Variants in DHRSX observed in about 807,000 individuals in gnomAD.
The protein encoded by DHRSX is dehydrogenase/reductase X-linked.
In DHRSX, 31 loss-of-function variants were observed where a neutral mutation model predicts 34.0. That is an observed-to-expected ratio of 0.91 (90% CI 0.69 to 1.23). DHRSX has a LOEUF of 1.23. DHRSX is among the 50% of genes most tolerant of loss of function. The pLI is 0.00. For missense variants in DHRSX, 414 were observed against 428.1 expected (o/e 0.97, Z 0.29); for synonymous variants, 201 against 183.8 (o/e 1.09, Z -0.76).
intron 3 of DHRSX, among the ~76,000 whole-genome samples, chrX:2,386,379 C>T (rs1266764211): frequency 6.6e-6 from 1 of 152,002 alleles, no homozygotes; most frequent in Non-Finnish European, 1.5e-5. Flanking sequence ...CCACCACACC[C>T]AGCTAATTTT....
intron 1 of DHRSX, chrX:2,500,283 C>CA (rs2045383644): frequency 5.6e-6 from 1 of 178,552 alleles, no homozygotes; most frequent in African/African-American, 2.3e-5. Flanking sequence ...TGGAGACGTC[C>CA]TCCGGAGAAG....
At chrX:2,221,325 A>C (rs2015515316) in intron 6 of DHRSX, 96 bp from the exon 7 acceptor site, 1 of 1,258,936 alleles carries the variant, frequency 7.9e-7, no homozygotes, top group Non-Finnish European at 1.1e-6. Flanking sequence ...GACAGGTGGA[A>C]TATACTCATC....
At chrX:2,344,634 T>C (rs1307773812) in intron 3 of DHRSX, among the ~76,000 whole-genome samples, 4 of 152,034 alleles carry the variant, frequency 2.6e-5, no homozygotes, top group Middle Eastern at 3.4e-3. Context: ...AAACACCACA[T>C]GTTCTCACTC....
At chrX:2,440,198 T>C (rs2044045007) in intron 1 of DHRSX, among the ~76,000 whole-genome samples, 1 of 152,130 alleles carries the variant, frequency 6.6e-6, no homozygotes, top group Non-Finnish European at 1.5e-5. Flanking sequence ...TTATTTGTTC[T>C]TTTTTCTTTT....
intron 3 of DHRSX, among the ~76,000 whole-genome samples, chrX:2,386,104 A>G (rs923559834): frequency 1.6e-4 from 24 of 152,244 alleles, no homozygotes; most frequent in African/African-American, 5.8e-4. Flanking sequence ...CAGTTTCCAG[A>G]TTCTTGATCT....
intron 3 of DHRSX, chrX:2,334,419 C>G (rs1330082742): frequency 6.6e-6 from 1 of 151,888 alleles, no homozygotes; most frequent in Non-Finnish European, 1.5e-5. Context: ...CGTGCCCTGG[C>G]TGGGATTACA....
intron 5 of DHRSX, among the ~76,000 whole-genome samples, chrX:2,255,070 T>C (rs1415874327): frequency 6.6e-6 from 1 of 151,448 alleles, no homozygotes; most frequent in African/African-American, 2.4e-5. Context: ...GTTCAAGTGA[T>C]TCTCCTGCCT....
intron 3 of DHRSX, among the ~76,000 whole-genome samples, chrX:2,371,459 C>G (rs192643466): frequency 1.6e-4 from 25 of 151,556 alleles, no homozygotes; most frequent in Non-Finnish European, 3.4e-4. Context: ...ACTATAGTCC[C>G]TCCTCGTTAC....
intron 3 of DHRSX, among the ~76,000 whole-genome samples, chrX:2,317,422 T>C (rs922838405): frequency 5.9e-5 from 9 of 151,458 alleles, no homozygotes; most frequent in Admixed American, 1.3e-4. Flanking sequence ...CTGCTATTTT[T>C]TTTATTTTTC....
chrX:2,225,315 C>T (rs2069908817), intron 6 of DHRSX, among the ~76,000 whole-genome samples: 1 of 146,388 alleles, frequency 6.8e-6, no homozygotes, highest in Non-Finnish European at 1.5e-5. Context: ...CACATGCACA[C>T]ATACACATGC....
At chrX:2,250,544 C>T (rs1489569088) in intron 5 of DHRSX, among the ~76,000 whole-genome samples, 1 of 152,062 alleles carries the variant, frequency 6.6e-6, no homozygotes, top group Non-Finnish European at 1.5e-5. Context: ...CCCTTTTAGA[C>T]CATGTCATGG....
intron 3 of DHRSX, among the ~76,000 whole-genome samples, chrX:2,370,589 T>TAAAAAAAAAAAAAAAA (rs1049095204): frequency 1.4e-5 from 1 of 70,428 alleles, no homozygotes; most frequent in South Asian, 4.1e-4. Flanking sequence ...ATGGTTTTAC[T>TAAAAAAAAAAAAAAAA]GAAAAAAAAA....
intron 5 of DHRSX, among the ~76,000 whole-genome samples, chrX:2,259,084 C>T (rs906553534): frequency 1.3e-5 from 2 of 151,930 alleles, no homozygotes; most frequent in Admixed American, 1.3e-4. Flanking sequence ...ATCATCCTGG[C>T]CAACATGGTG....
At chrX:2,298,628 A>ACACACG (rs2041971938) in intron 3 of DHRSX, among the ~76,000 whole-genome samples, 2 of 127,566 alleles carry the variant, frequency 1.6e-5, no homozygotes, top group African/African-American at 5.4e-5. Context: ...ACACACACAC[A>ACACACG]CACACACACG....
At chrX:2,360,321 AC>A (rs1414251775) in intron 3 of DHRSX, among the ~76,000 whole-genome samples, 1 of 152,212 alleles carries the variant, frequency 6.6e-6, no homozygotes, top group Non-Finnish European at 1.5e-5. Flanking sequence ...GTGGTGGCTC[AC>A]GCCTGTAATC....
intron 5 of DHRSX, 45 bp from the exon 6 acceptor site, chrX:2,243,275 C>T (rs762287057): frequency 2.6e-6 from 4 of 1,550,408 alleles, no homozygotes; most frequent in South Asian, 2.3e-5. Flanking sequence ...ACGGCGTTCA[C>T]GCCTAAGTGC....
chrX:2,392,894 ATAT>A lies in DHRSX; in HGVS notation c.286+15848_286+15850del, dbSNP rs1318637098. ...TATATATACACAAAATGTATTGTGC[ATAT>A]TATATTATGTTTTATATATAAATAT... is the stretch of plus-strand genomic sequence containing the variant. On this transcript the variant is annotated intron_variant, in intron 3 of 6. Coordinates refer to ENST00000334651, the MANE Select transcript of DHRSX (RefSeq NM_145177.3). Among the ~76,000 whole-genome samples, 13 of 127,198 alleles carry A rather than the reference ATAT, an allele frequency of 1.0e-4. No individual in the cohort carries two copies. In the East Asian group the frequency reaches 1.3e-3, roughly 12 times the overall value. 83.4% of individuals were successfully genotyped at this position (127,198 alleles called of 152,430 possible).
At chrX:2,259,307 GATATAGATATATAGATAGATATAGATAT>G (rs2041323594) in intron 5 of DHRSX, among the ~76,000 whole-genome samples, 1 of 145,910 alleles carries the variant, frequency 6.9e-6, no homozygotes, top group East Asian at 2.0e-4. Context: ...TATAGATATA[GATATAGATATATAGATAGATATAGATAT>G]ATATAGATAT....
chrX:2,305,864 T>G (rs779971023), intron 3 of DHRSX, among the ~76,000 whole-genome samples: 10 of 151,898 alleles, frequency 6.6e-5, no homozygotes, highest in African/African-American at 2.4e-4. Context: ...AGGGGAGAGA[T>G]AGCTTTAAAA....
Sources: gnomAD v4.1 joint callset for allele counts (sites outside exome capture counted in the v4.1 genomes callset) on GRCh38, gnomAD v4.1.1 for gene constraint, MANE v1.5 for transcripts, NCBI Gene and HGNC (gene_info 2026-07-23, HGNC 2026-07-21) for gene names.